The following CCNG1 variants were observed in gnomAD, a reference collection of about 807,000 sequenced individuals.
CCNG1 encodes cyclin-G1.
In CCNG1, 13 loss-of-function variants were observed where a neutral mutation model predicts 30.0. That is an observed-to-expected ratio of 0.43 (90% CI 0.28 to 0.69). CCNG1 has a LOEUF of 0.69. Among genes scored for constraint, CCNG1 ranks in the 30% least tolerant of loss-of-function variants. The pLI, the probability that CCNG1 is intolerant of heterozygous loss-of-function variation, is 0.16. For synonymous variants in CCNG1, 110 were observed against 121.5 expected (o/e 0.91, Z 0.62); for missense variants, 285 against 331.4 (o/e 0.86, Z 1.09).
the CCNG1 span, chr5:163,456,850 T>C: frequency 9.7e-7 from 1 of 1,033,656 alleles, no homozygotes; most frequent in East Asian, 3.1e-5. Context: ...ATAATGACAT[T>C]TGAGTTTTAA....
the CCNG1 span, chr5:163,457,140 T>TG: frequency 1.6e-6 from 1 of 619,400 alleles, no homozygotes; most frequent in South Asian, 3.8e-5. Flanking sequence ...CATCAAGTTG[T>TG]TTTTTTTTTT....
chr5:163,448,991 T>C (rs188386128), downstream of CCNG1: 45 of 152,372 alleles, frequency 3.0e-4, no homozygotes, highest in African/African-American at 1.1e-3. Flanking sequence ...ACAGCTTGCA[T>C]ACATAATGGT....
chr5:163,445,655 A>G (rs1758023090), downstream of CCNG1, among the ~76,000 whole-genome samples: 1 of 111,718 alleles, frequency 9.0e-6, no homozygotes, highest in Non-Finnish European at 1.7e-5. Flanking sequence ...CAGTGTTGTC[A>G]CTGTGTTGCC....
At chr5:163,454,928 G>T in the CCNG1 span, among the ~76,000 whole-genome samples, 3 of 152,202 alleles carry the variant, frequency 2.0e-5, no homozygotes, top group Admixed American at 2.0e-4. Flanking sequence ...CAGTACAGGG[G>T]CTGGCAGACT....
chr5:163,455,625 G>C, the CCNG1 span, among the ~76,000 whole-genome samples: 1 of 152,024 alleles, frequency 6.6e-6, no homozygotes, highest in Admixed American at 6.6e-5. Context: ...TTAGCCGTGC[G>C]TGGTGGCGGG....
chr5:163,456,419 AAAGAAT>A, the CCNG1 span, among the ~76,000 whole-genome samples: 1 of 152,218 alleles, frequency 6.6e-6, no homozygotes, highest in Non-Finnish European at 1.5e-5. Flanking sequence ...AAGCAGTTAA[AAAGAAT>A]GAGTTTTATA....
chr5:163,438,807 C>A (rs1401563870), intron 1 of CCNG1, among the ~76,000 whole-genome samples: 1 of 152,172 alleles, frequency 6.6e-6, no homozygotes, highest in African/African-American at 2.4e-5. Context: ...GCGGGCAGAT[C>A]ACAAGGCCAG....
chr5:163,443,631 CTTCTG>C (rs1757939549), intron 6 of CCNG1, 38 bp from the exon 7 acceptor site: 1 of 1,077,962 alleles, frequency 9.3e-7, no homozygotes, highest in Non-Finnish European at 1.4e-6. Context: ...GGCAGACTGG[CTTCTG>C]TTAAGTTGGA....
chr5:163,455,388 A>G, the CCNG1 span, among the ~76,000 whole-genome samples: 1 of 152,220 alleles, frequency 6.6e-6, no homozygotes, highest in African/African-American at 2.4e-5. Flanking sequence ...CAGGGAGATG[A>G]TGGAATAACT....
chr5:163,447,204 T>C (rs914859402), downstream of CCNG1: 5 of 152,428 alleles, frequency 3.3e-5, no homozygotes, highest in African/African-American at 9.7e-5. Flanking sequence ...GTAATTCCAA[T>C]GCTTTGGGAA....
intron 1 of CCNG1, among the ~76,000 whole-genome samples, chr5:163,438,103 G>C (rs1458581297): frequency 7.2e-5 from 11 of 152,142 alleles, no homozygotes; most frequent in Admixed American, 6.5e-4. Context: ...CCTGTCTTTA[G>C]TTGGTGTGGG....
At position 163,441,964 on chromosome 5, in the gene CCNG1, G is replaced by A. The variant is rs201737390; in HGVS notation, c.597G>A (p.Lys199=). ...CHCRIIFSKA[K]PSVLALSIIA... ...GCAGGATCATATTTTCTAAAGCAAA[G>A]GTAAATATTTTATAAAGATTATGCC... Residue 199 remains lysine, a splice_region_variant and synonymous_variant, in exon 4 of 7, where the codon AAG becomes AAA. Coordinates refer to ENST00000340828, the MANE Select transcript of CCNG1 (RefSeq NM_004060.4). The A allele has an allele frequency of 6.2e-7, 1 of 1,603,740 alleles. No individual in the cohort carries two copies. The highest frequency in any genetic ancestry group is 1.7e-5 in the Admixed American group (1 of 59,810).
chr5:163,443,652 T>C lies in CCNG1; in HGVS notation c.*4-22T>C, dbSNP rs1365641422. On this transcript the variant is annotated intron_variant, in intron 6 of 6. Transcript: ENST00000340828. ...CTGGCTTCTGTTAAGTTGGATTTTG[T>C]TTGTTTTCTTTATTTAAATAGGATT... 20 of 1,418,390 alleles carry C rather than the reference T, an allele frequency of 1.4e-5. 1 individual carries two copies. The South Asian group carries it at 2.3e-4, about 17-fold the overall frequency. The allele number at this position is 1,418,390 out of a possible 1,614,324, so 87.9% of individuals were successfully genotyped here.
chr5:163,447,135 C>G (rs190882275), downstream of CCNG1: 44 of 152,126 alleles, frequency 2.9e-4, no homozygotes, highest in African/African-American at 1.0e-3. Context: ...AGTGTAAGCA[C>G]TTATTATCAG....
the CCNG1 span, chr5:163,457,063 G>GA: frequency 1.2e-6 from 2 of 1,600,508 alleles, no homozygotes; most frequent in South Asian, 2.3e-5. Context: ...AGAACAATAC[G>GA]AACCATTTTT....
the CCNG1 span, chr5:163,457,520 C>CA: frequency 8.5e-7 from 1 of 1,174,642 alleles, no homozygotes. Context: ...GATATCAAGA[C>CA]AAAATTATTT....
At chr5:163,454,075 A>G in the CCNG1 span, 1 of 1,272,722 alleles carries the variant, frequency 7.9e-7, no homozygotes, top group East Asian at 2.6e-5. Context: ...CATATATATA[A>G]TGAAATAAAA....
At chr5:163,447,794 A>G (rs1758076574), downstream of CCNG1, 1 of 152,194 alleles carries the variant, frequency 6.6e-6, no homozygotes, top group African/African-American at 2.4e-5. Context: ...ACAGCAAGAA[A>G]ATCTCCAAAC....
Position 163,439,400 on chromosome 5 carries a change from T to G in CCNG1, c.144T>G (p.Thr48=). The G allele has an allele frequency of 1.2e-6, 2 of 1,614,192 alleles. No individual in the cohort carries two copies. Among genetic ancestry groups the G allele is most frequent in the Non-Finnish European group, 1.7e-6 (2 of 1,180,016 alleles). Residue 48 remains threonine, a synonymous_variant, in exon 2 of 7, where the codon ACT becomes ACG. Coordinates refer to ENST00000340828, the MANE Select transcript of CCNG1 (RefSeq NM_004060.4). ...CACACGATAATGGCCTCAGAATGAC[T>G]GCAAGACTAAGGGACTTTGAAGTAA... ...ESAHDNGLRM[T]ARLRDFEVKD...
Sources: gnomAD v4.1 joint callset for allele counts (sites outside exome capture counted in the v4.1 genomes callset) on GRCh38, gnomAD v4.1.1 for gene constraint, MANE v1.5 for transcripts, NCBI Gene and HGNC (gene_info 2026-07-23, HGNC 2026-07-21) for gene names.